Variants in HSCB observed in about 807,000 individuals in gnomAD.
HSCB encodes HscB mitochondrial iron-sulfur cluster cochaperone.
In HSCB, 23 loss-of-function variants were observed where a neutral mutation model predicts 31.3. The observed-to-expected ratio is 0.74, with a 90% CI of 0.53 to 1.04. The LOEUF is 1.04. Among genes scored for constraint, HSCB ranks in the 50% least tolerant of loss-of-function variants. The probability of loss-of-function intolerance (pLI) is 0.00; values close to 1 mark genes in which losing one functional copy is unlikely to be tolerated. For synonymous variants in HSCB, 110 were observed against 104.5 expected, an observed-to-expected ratio of 1.05 and a Z score of -0.32; for missense variants, 297 against 288.1, an observed-to-expected ratio of 1.03 and a Z score of -0.22.
intron 4 of HSCB, among the ~76,000 whole-genome samples, chr22:28,748,884 A>G (rs2030014114): frequency 6.6e-6 from 1 of 152,182 alleles, no homozygotes; most frequent in African/African-American, 2.4e-5. Context: ...TTACGCCTGT[A>G]ATCCAAGCAC....
chr22:28,744,087 C>G (rs1375978845), intron 2 of HSCB, 109 bp downstream of exon 2: 1 of 890,474 alleles, frequency 1.1e-6, no homozygotes, highest in African/African-American at 1.6e-5. Flanking sequence ...TCAGCTGTGT[C>G]TGCCCCATGG....
At chr22:28,749,879 T>G (rs1424568322) in intron 4 of HSCB, among the ~76,000 whole-genome samples, 1 of 152,072 alleles carries the variant, frequency 6.6e-6, no homozygotes, top group East Asian at 1.9e-4. Context: ...GAGCCTCAAT[T>G]TCCTCATCTG....
At chr22:28,747,956 C>T (rs905226997) in intron 4 of HSCB, among the ~76,000 whole-genome samples, 1 of 152,196 alleles carries the variant, frequency 6.6e-6, no homozygotes, top group Non-Finnish European at 1.5e-5. Context: ...GAGGCCGAGG[C>T]AGGCAGATCA....
chr22:28,742,033 C>G, upstream of HSCB: 2 of 1,525,586 alleles, frequency 1.3e-6, no homozygotes, highest in East Asian at 2.4e-5. Context: ...CAACATTAGT[C>G]TGGTTAGACG....
Position 28,742,109 on chromosome 22 carries a change from G to A in HSCB, c.14G>A (p.Arg5Lys), listed in dbSNP as rs766048132. ...GCCGCCGGCCAGATGTGGCGGGGGA[G>A]AGCCGGGGCTTTGCTCCGGGTGTGG... MWRG[R>K]AGALLRVWGF... Residue 5 changes from arginine (R) to lysine (K), a missense_variant, in exon 1 of 6, where the codon AGA becomes AAA. Transcript: ENST00000216027. 4 of 1,593,916 alleles carry A rather than the reference G, an allele frequency of 2.5e-6. No individual in the cohort carries two copies. The highest frequency in any genetic ancestry group is 1.3e-5 in the African/African-American group (1 of 74,592).
At chr22:28,748,003 A>G (rs2029948130) in intron 4 of HSCB, among the ~76,000 whole-genome samples, 1 of 152,068 alleles carries the variant, frequency 6.6e-6, no homozygotes, top group Non-Finnish European at 1.5e-5. Context: ...GGGTAACATG[A>G]TGAAACCCTG....
chr22:28,754,381 T>A (rs2030461457), intron 5 of HSCB, among the ~76,000 whole-genome samples: 1 of 151,836 alleles, frequency 6.6e-6, no homozygotes, highest in Non-Finnish European at 1.5e-5. Context: ...AAAAGAGTTC[T>A]GTGGAAGGTC....
At chr22:28,751,547 A>G (rs1019013731) in intron 5 of HSCB, among the ~76,000 whole-genome samples, 2 of 152,190 alleles carry the variant, frequency 1.3e-5, no homozygotes, top group African/African-American at 2.4e-5. Context: ...GGAGATTGAG[A>G]CCATCCTGGC....
chr22:28,746,558 G>A (rs2054695532), intron 4 of HSCB, among the ~76,000 whole-genome samples: 1 of 151,888 alleles, frequency 6.6e-6, no homozygotes, highest in Non-Finnish European at 1.5e-5. Flanking sequence ...TTCGAGACCA[G>A]CCTGGGCAAC....
At chr22:28,756,466 C>G (rs1219580006) in intron 5 of HSCB, among the ~76,000 whole-genome samples, 4 of 133,708 alleles carry the variant, frequency 3.0e-5, no homozygotes, top group Non-Finnish European at 1.6e-5. Flanking sequence ...AACCACCCAC[C>G]CTTTTTTTTT....
intron 1 of HSCB, 156 bp downstream of exon 1, chr22:28,742,487 C>A: frequency 1.5e-6 from 2 of 1,319,722 alleles, no homozygotes; most frequent in South Asian, 1.5e-5. Context: ...GTCTTGATTT[C>A]TCAGGAGGAA....
intron 5 of HSCB, among the ~76,000 whole-genome samples, chr22:28,756,388 G>A (rs972047566): frequency 5.9e-5 from 9 of 151,954 alleles, no homozygotes; most frequent in African/African-American, 2.2e-4. Flanking sequence ...ACCTGGCATA[G>A]AGGAAGCATT....
Position 28,742,043 on chromosome 22 carries a change from GCT to G in HSCB, c.-48_-47del. 5.2e-6 allele frequency: 8 copies of G among 1,547,744 alleles called. No individual in the cohort carries two copies. The highest frequency in any genetic ancestry group is 2.4e-5 in the East Asian group (1 of 41,938). ...ATCAGCAACATTAGTCTGGTTAGAC[GCT>G]CTCTTTGCTTTTCCCCACGAGTGAC... On this transcript the variant is annotated 5_prime_UTR_variant, in exon 1 of 6. Coordinates refer to ENST00000216027, the MANE Select transcript of HSCB (RefSeq NM_172002.5).
intron 4 of HSCB, among the ~76,000 whole-genome samples, chr22:28,747,608 T>C (rs912900376): frequency 2.0e-5 from 3 of 152,136 alleles, no homozygotes; most frequent in African/African-American, 7.2e-5. Context: ...TGGCATAGAT[T>C]AGTGTTTGAT....
At chr22:28,748,242 C>G (rs1306315245) in intron 4 of HSCB, among the ~76,000 whole-genome samples, 1 of 152,162 alleles carries the variant, frequency 6.6e-6, no homozygotes, top group Non-Finnish European at 1.5e-5. Flanking sequence ...ACACCACTTG[C>G]ACAAGCGTAA....
At chr22:28,742,461 C>T in intron 1 of HSCB, 130 bp downstream of exon 1, 1 of 1,417,916 alleles carries the variant, frequency 7.1e-7, no homozygotes, top group East Asian at 2.5e-5. Flanking sequence ...GTCTAGAGAG[C>T]AGGCGTGAGA....
rs776897137 is a variant in HSCB, at chr22:28,745,903, T to A, written c.463T>A (p.Tyr155Asn). 1.2e-6 allele frequency: 2 copies of A among 1,613,302 alleles called. No homozygotes were observed. The highest frequency in any genetic ancestry group is 1.7e-6 in the Non-Finnish European group (2 of 1,179,630). The change falls in exon 4 of 6, where the codon TAT (tyrosine) becomes AAT (asparagine). Residue 155 changes from tyrosine to asparagine, a missense_variant. By Grantham distance (143) the Tyr-to-Asn change is moderately radical. Coordinates refer to ENST00000216027, the MANE Select transcript of HSCB (RefSeq NM_172002.5). ...HGIEIPERTD[Y>N]EMDRQFLIEI... ...AATAGAGATTCCTGAAAGGACAGAT[T>A]ATGAAATGGACAGGCAATTCCTCAT... is the stretch of plus-strand genomic sequence containing the variant.
intron 1 of HSCB, 25 bp downstream of exon 1, chr22:28,742,356 G>A (rs2054582729): frequency 6.2e-7 from 1 of 1,605,764 alleles, no homozygotes; most frequent in South Asian, 1.1e-5. Context: ...TTCGGGAAAC[G>A]GGCCCGGGCG....
chr22:28,755,082 C>T (rs2030510973), intron 5 of HSCB, among the ~76,000 whole-genome samples: 2 of 147,818 alleles, frequency 1.4e-5, no homozygotes, highest in Admixed American at 1.3e-4. Context: ...GCGTGAGCCA[C>T]CGCGCCTGGC....
Sources: gnomAD v4.1 joint callset for allele counts (sites outside exome capture counted in the v4.1 genomes callset) on GRCh38, gnomAD v4.1.1 for gene constraint, MANE v1.5 for transcripts, NCBI Gene and HGNC (gene_info 2026-07-23, HGNC 2026-07-21) for gene names.